Variants in PACRGL observed in about 807,000 individuals in gnomAD.
PACRGL encodes the protein PACRG-like protein.
PACRGL carries 38 observed loss-of-function variants against 34.5 expected under a neutral mutation model. The ratio of observed to expected loss-of-function variants is 1.10; its 90% confidence interval spans 0.85 to 1.44. The LOEUF (loss-of-function observed/expected upper bound fraction) is 1.44, where lower values mean the gene tolerates loss of function less well. PACRGL is among the 40% of genes most tolerant of loss of function. The pLI, the probability that PACRGL is intolerant of heterozygous loss-of-function variation, is 0.00. For missense variants in PACRGL, 305 were observed against 281.4 expected, an observed-to-expected ratio of 1.08 and a Z score of -0.60; for synonymous variants, 128 against 100.1, an observed-to-expected ratio of 1.28 and a Z score of -1.66.
chr4:20,704,832 CCTAA>C lies in PACRGL; in HGVS notation c.207+21_207+24del. 6.2e-7 allele frequency: 1 copy of C among 1,612,080 alleles called. No homozygotes were observed. Among genetic ancestry groups the C allele is most frequent in the Non-Finnish European group, 8.5e-7 (1 of 1,178,284 alleles). On this transcript the variant is annotated intron_variant, in intron 3 of 8. Transcript: ENST00000503585. ...TTAATCCGGTAGGTCCAAAACTATTCCTAACTCAGTAGATTTTTTAAAGGCATTT... is the reference window on the plus strand; with the variant it reads ...TTAATCCGGTAGGTCCAAAACTATTCCTCAGTAGATTTTTTAAAGGCATTT...
At chr4:20,713,070 G>A in intron 6 of PACRGL, 148 bp downstream of exon 6, 1 of 840,984 alleles carries the variant, frequency 1.2e-6, no homozygotes, top group Non-Finnish European at 1.7e-6. Flanking sequence ...TACAGAATTA[G>A]GCAACTGTTA....
chr4:20,765,667 T>A, the PACRGL span, among the ~76,000 whole-genome samples: 1 of 152,200 alleles, frequency 6.6e-6, no homozygotes, highest in Non-Finnish European at 1.5e-5. Flanking sequence ...GCTGGAGGTC[T>A]CTGGTTCTGC....
At chr4:20,752,784 C>G (rs1277403117) in exon 9 of PACRGL, 2 of 152,174 alleles carry the variant, frequency 1.3e-5, no homozygotes, top group African/African-American at 4.8e-5. Context: ...GAATGTCCAG[C>G]TAGGCAGAAA....
At chr4:20,762,798 A>G in the PACRGL span, among the ~76,000 whole-genome samples, 1 of 152,188 alleles carries the variant, frequency 6.6e-6, no homozygotes, top group East Asian at 1.9e-4. Context: ...GTGTTAGTTC[A>G]TTTCCACACT....
At chr4:20,742,673 C>T (rs1000602259) in intron 8 of PACRGL, among the ~76,000 whole-genome samples, 2 of 152,180 alleles carry the variant, frequency 1.3e-5, no homozygotes, top group Admixed American at 6.5e-5. Context: ...GATGCCCTCT[C>T]TCACCACTCC....
chr4:20,720,067 C>T (rs1313290751), intron 7 of PACRGL, among the ~76,000 whole-genome samples: 1 of 152,112 alleles, frequency 6.6e-6, no homozygotes, highest in Non-Finnish European at 1.5e-5. Context: ...TTGAATTGAT[C>T]CCTTTACCAT....
At chr4:20,708,624 A>T (rs1578153174) in intron 4 of PACRGL, among the ~76,000 whole-genome samples, 1 of 152,050 alleles carries the variant, frequency 6.6e-6, no homozygotes, top group South Asian at 2.1e-4. Flanking sequence ...TCCAAAACTT[A>T]TTGTTGCAAA....
downstream of PACRGL, chr4:20,732,933 AG>A (rs554285540): frequency 3.1e-4 from 178 of 578,426 alleles, no homozygotes; most frequent in African/African-American, 3.2e-3. Flanking sequence ...GTTGTCCCAA[AG>A]GAAAAGGCAA....
At chr4:20,711,159 A>AT (rs1218686781) in intron 5 of PACRGL, among the ~76,000 whole-genome samples, 1 of 151,932 alleles carries the variant, frequency 6.6e-6, no homozygotes, top group Non-Finnish European at 1.5e-5. Context: ...GTAGCAAACC[A>AT]TGTTTTTTTT....
In PACRGL at chr4:20,731,866, G is replaced by C. The variant is rs1046892681; in HGVS notation, c.*4525G>C. 7.7e-6 allele frequency: 11 copies of C among 1,436,302 alleles called. No individual in the cohort carries two copies. The East Asian group carries it at 2.3e-4, about 30-fold the overall frequency. The allele number at this position is 1,436,302 out of a possible 1,614,324, so 89.0% of individuals were successfully genotyped here. A position where few individuals can be genotyped will look rare whatever the true frequency, so the allele number is the denominator to read the frequency against. On this transcript the variant is annotated 3_prime_UTR_variant, in exon 9 of 9. Coordinates refer to ENST00000503585, the MANE Select transcript of PACRGL (RefSeq NM_001258345.3). ...TTGGTGCTTGTTTTCAGAGTGGTAGGCTTATGCTGCATGTTGTAGAAGTGG... is the reference window on the plus strand; with the variant it reads ...TTGGTGCTTGTTTTCAGAGTGGTAGCCTTATGCTGCATGTTGTAGAAGTGG...
chr4:20,747,747 G>T (rs1348979508), intron 8 of PACRGL, among the ~76,000 whole-genome samples: 1 of 152,056 alleles, frequency 6.6e-6, no homozygotes, highest in Non-Finnish European at 1.5e-5. Context: ...CGCAGTTGTG[G>T]TACCCAGTCT....
At chr4:20,751,465 A>G (rs1307389054) in intron 8 of PACRGL, among the ~76,000 whole-genome samples, 2 of 152,080 alleles carry the variant, frequency 1.3e-5, no homozygotes, top group East Asian at 3.9e-4. Flanking sequence ...TTTTTCATGT[A>G]CTTCTTGAAC....
chr4:20,739,795 C>T (rs192647788), intron 8 of PACRGL, among the ~76,000 whole-genome samples: 5 of 152,176 alleles, frequency 3.3e-5, no homozygotes, highest in East Asian at 3.9e-4. Flanking sequence ...CAAACTTCTC[C>T]GAACTAAAGG....
At chr4:20,756,248 C>T (rs1210001473), downstream of PACRGL, among the ~76,000 whole-genome samples, 1 of 151,712 alleles carries the variant, frequency 6.6e-6, no homozygotes, top group Non-Finnish European at 1.5e-5. Flanking sequence ...ACAGTTGTCC[C>T]CTATATTGAG....
chr4:20,748,748 C>T (rs887747694), intron 8 of PACRGL, among the ~76,000 whole-genome samples: 1 of 149,652 alleles, frequency 6.7e-6, no homozygotes, highest in Non-Finnish European at 1.5e-5. Flanking sequence ...ACATATTTTC[C>T]CTAACAAAAA....
At chr4:20,725,149 G>A (rs6447973) in intron 8 of PACRGL, among the ~76,000 whole-genome samples, 77,120 of 151,814 alleles carry the variant, frequency 0.51, 20,192 homozygotes, top group African/African-American at 0.62. Flanking sequence ...GTGGCACTCA[G>A]TGTGGCGCAG....
intron 8 of PACRGL, among the ~76,000 whole-genome samples, chr4:20,750,889 G>T (rs1753490135): frequency 6.6e-6 from 1 of 151,622 alleles, no homozygotes; most frequent in Admixed American, 6.6e-5. Flanking sequence ...AACCTTTATT[G>T]GGTTTTAACT....
chr4:20,760,989 C>T, the PACRGL span, among the ~76,000 whole-genome samples: 25 of 152,228 alleles, frequency 1.6e-4, no homozygotes, highest in Middle Eastern at 6.8e-3. Flanking sequence ...TGCAAAATTG[C>T]GGCTTTTGCT....
intron 8 of PACRGL, among the ~76,000 whole-genome samples, chr4:20,748,220 G>C (rs980687437): frequency 6.6e-6 from 1 of 151,902 alleles, no homozygotes; most frequent in African/African-American, 2.4e-5. Context: ...CCCAACCTTC[G>C]CTCTTGGCTC....
Sources: gnomAD v4.1 joint callset for allele counts (sites outside exome capture counted in the v4.1 genomes callset) on GRCh38, gnomAD v4.1.1 for gene constraint, MANE v1.5 for transcripts, NCBI Gene and HGNC (gene_info 2026-07-23, HGNC 2026-07-21) for gene names.